ANKS1B: variants seen among roughly 807,000 people sequenced by gnomAD.
ANKS1B encodes the protein ankyrin repeat and sterile alpha motif domain-containing protein 1B.
A neutral mutation model predicts 148.3 loss-of-function variants in ANKS1B; 36 were observed. That is an observed-to-expected ratio of 0.24 (90% CI 0.19 to 0.32). ANKS1B has a LOEUF of 0.32. Ranked by LOEUF, ANKS1B falls within the 10% of genes least tolerant of loss-of-function variation. The probability of loss-of-function intolerance (pLI) is 1.00; values close to 1 mark genes in which losing one functional copy is unlikely to be tolerated. For synonymous variants in ANKS1B, 542 were observed against 560.8 expected (o/e 0.97, Z 0.47); for missense variants, 1,157 against 1,542.6 (o/e 0.75, Z 4.19).
intron 1 of ANKS1B, among the ~76,000 whole-genome samples, chr12:99,857,487 C>T (rs925664718): frequency 6.6e-6 from 1 of 152,034 alleles, no homozygotes; most frequent in Non-Finnish European, 1.5e-5. Context: ...AAATTCAGTA[C>T]AATTCCCATC....
At chr12:99,551,337 C>A (rs557633974) in intron 9 of ANKS1B, among the ~76,000 whole-genome samples, 39 of 152,216 alleles carry the variant, frequency 2.6e-4, no homozygotes, top group African/African-American at 8.4e-4. Flanking sequence ...CAAGTCCCTT[C>A]CCCACACCTC....
intron 1 of ANKS1B, among the ~76,000 whole-genome samples, chr12:99,907,292 C>G (rs368727718): frequency 2.0e-5 from 3 of 152,296 alleles, no homozygotes; most frequent in South Asian, 2.1e-4. Context: ...CTCCCCACTC[C>G]CCAGCGTGCG....
intron 10 of ANKS1B, among the ~76,000 whole-genome samples, chr12:99,465,571 A>G (rs1045091619): frequency 1.3e-5 from 2 of 152,122 alleles, no homozygotes; most frequent in African/African-American, 2.4e-5. Flanking sequence ...AGACACACAT[A>G]GGCTCAAAAT....
intron 1 of ANKS1B, among the ~76,000 whole-genome samples, chr12:99,844,213 T>C (rs1041531770): frequency 1.3e-5 from 2 of 152,194 alleles, no homozygotes; most frequent in Non-Finnish European, 2.9e-5. Flanking sequence ...ACTCTGATGA[T>C]AGTTTCTTTT....
chr12:99,318,100 C>A (rs1328487848), intron 12 of ANKS1B, among the ~76,000 whole-genome samples: 1 of 152,284 alleles, frequency 6.6e-6, no homozygotes, highest in East Asian at 1.9e-4. Flanking sequence ...CATCATTGTT[C>A]ATCAGGAATA....
chr12:99,339,711 T>C (rs2089581396), intron 12 of ANKS1B, among the ~76,000 whole-genome samples: 1 of 152,312 alleles, frequency 6.6e-6, no homozygotes, highest in Admixed American at 6.5e-5. Flanking sequence ...TACTCAGTTT[T>C]AGATTTCCTT....
At chr12:99,434,605 C>T (rs1008381398) in intron 11 of ANKS1B, among the ~76,000 whole-genome samples, 1 of 152,084 alleles carries the variant, frequency 6.6e-6, no homozygotes, top group Non-Finnish European at 1.5e-5. Flanking sequence ...CTTAGCCACT[C>T]ATGTGATTTG....
intron 25 of ANKS1B, among the ~76,000 whole-genome samples, chr12:98,756,981 G>T (rs549636365): frequency 6.6e-6 from 1 of 151,662 alleles, no homozygotes; most frequent in African/African-American, 2.4e-5. Flanking sequence ...CATCCGCCTC[G>T]GCCTCCCAAA....
intron 1 of ANKS1B, among the ~76,000 whole-genome samples, chr12:99,896,212 AC>A: frequency 6.6e-6 from 1 of 150,972 alleles, no homozygotes; most frequent in East Asian, 1.9e-4. Context: ...GAAATTTTAT[AC>A]TCTCGTTGAC....
intron 9 of ANKS1B, among the ~76,000 whole-genome samples, chr12:99,642,074 A>C (rs374031669): frequency 6.6e-6 from 1 of 152,342 alleles, no homozygotes; most frequent in East Asian, 1.9e-4. Flanking sequence ...ATCATTATTA[A>C]CATCACTATT....
At chr12:99,600,429 G>C (rs1301935364) in intron 9 of ANKS1B, among the ~76,000 whole-genome samples, 1 of 151,928 alleles carries the variant, frequency 6.6e-6, no homozygotes, top group Non-Finnish European at 1.5e-5. Context: ...GCGAAGGGAA[G>C]AAAGAGATTA....
At chr12:98,959,681 G>T (rs1477344594) in intron 17 of ANKS1B, among the ~76,000 whole-genome samples, 1 of 152,146 alleles carries the variant, frequency 6.6e-6, no homozygotes. Context: ...CAGGCTCTTG[G>T]GGTCCCTGAT....
intron 12 of ANKS1B, among the ~76,000 whole-genome samples, chr12:99,354,796 C>T (rs2091815991): frequency 6.6e-6 from 1 of 151,854 alleles, no homozygotes; most frequent in Non-Finnish European, 1.5e-5. Flanking sequence ...AGAAAAAAAC[C>T]ACCCAGAAGT....
intron 17 of ANKS1B, among the ~76,000 whole-genome samples, chr12:98,935,846 G>T (rs1377889520): frequency 6.6e-6 from 1 of 152,160 alleles, no homozygotes; most frequent in Non-Finnish European, 1.5e-5. Context: ...TACAAATCGA[G>T]TTGTGAAAAT....
At chr12:99,208,956 G>C (rs1312494542) in intron 14 of ANKS1B, among the ~76,000 whole-genome samples, 2 of 152,052 alleles carry the variant, frequency 1.3e-5, no homozygotes, top group African/African-American at 4.8e-5. Flanking sequence ...AACTATTTGT[G>C]AGGATTCTTG....
intron 10 of ANKS1B, among the ~76,000 whole-genome samples, chr12:99,487,802 T>C (rs1250867515): frequency 6.6e-6 from 1 of 152,164 alleles, no homozygotes; most frequent in Non-Finnish European, 1.5e-5. Flanking sequence ...ATATTCTGTA[T>C]TGATGGGCAC....
At chr12:99,763,232 A>C (rs2062324879) in intron 8 of ANKS1B, among the ~76,000 whole-genome samples, 1 of 152,204 alleles carries the variant, frequency 6.6e-6, no homozygotes. Context: ...AAAGACATGG[A>C]ATCAATCTAG....
intron 12 of ANKS1B, among the ~76,000 whole-genome samples, chr12:99,307,077 T>A (rs900407716): frequency 5.3e-5 from 8 of 152,132 alleles, no homozygotes; most frequent in Non-Finnish European, 8.8e-5. Context: ...TTAAAATGCA[T>A]GAATTCAAAA....
intron 22 of ANKS1B, among the ~76,000 whole-genome samples, chr12:98,784,055 G>C (rs372577444): frequency 6.6e-6 from 1 of 152,208 alleles, no homozygotes; most frequent in African/African-American, 2.4e-5. Context: ...ATGAATGGGT[G>C]GGAGGATTCC....
Sources: gnomAD v4.1 joint callset for allele counts (sites outside exome capture counted in the v4.1 genomes callset) on GRCh38, gnomAD v4.1.1 for gene constraint, MANE v1.5 for transcripts, NCBI Gene and HGNC (gene_info 2026-07-23, HGNC 2026-07-21) for gene names.